Variants in CSMD1 observed in about 807,000 individuals in gnomAD.
CSMD1 encodes CUB and Sushi multiple domains 1, also known as CUB and sushi domain-containing protein 1.
In CSMD1, 213 loss-of-function variants were observed where a neutral mutation model predicts 417.5. That is an observed-to-expected ratio of 0.51 (90% CI 0.46 to 0.57). The LOEUF is 0.57. Among genes scored for constraint, CSMD1 ranks in the 20% least tolerant of loss-of-function variants. The pLI is 0.00. For synonymous variants in CSMD1, 2,862 were observed against 1,736.8 expected, an observed-to-expected ratio of 1.65 and a Z score of -16.11; for missense variants, 6,923 against 4,529.7, an observed-to-expected ratio of 1.53 and a Z score of -15.17.
At chr8:4,329,663 C>T (rs1056516451) in intron 3 of CSMD1, among the ~76,000 whole-genome samples, 9 of 152,114 alleles carry the variant, frequency 5.9e-5, no homozygotes, top group African/African-American at 2.2e-4. Flanking sequence ...GATCTGTATC[C>T]CCACCCAAAT....
At chr8:4,858,169 G>T (rs1156859246) in intron 1 of CSMD1, among the ~76,000 whole-genome samples, 2 of 149,272 alleles carry the variant, frequency 1.3e-5, no homozygotes, top group Non-Finnish European at 3.0e-5. Context: ...AAAACCACAT[G>T]ATTATCTCAA....
At chr8:2,970,817 C>T (rs533704797) in intron 57 of CSMD1, among the ~76,000 whole-genome samples, 11 of 152,214 alleles carry the variant, frequency 7.2e-5, no homozygotes, top group East Asian at 1.9e-4. Flanking sequence ...TTGACAGAAA[C>T]GTTGAAATTT....
intron 8 of CSMD1, among the ~76,000 whole-genome samples, chr8:3,599,894 T>C (rs563440970): frequency 6.6e-6 from 1 of 152,308 alleles, no homozygotes; most frequent in South Asian, 2.1e-4. Flanking sequence ...GTTGACTACC[T>C]TCCCCTTCCA....
intron 5 of CSMD1, among the ~76,000 whole-genome samples, chr8:3,918,620 C>A (rs1387242468): frequency 6.6e-6 from 1 of 151,950 alleles, no homozygotes; most frequent in African/African-American, 2.4e-5. Flanking sequence ...AATGTGGAAC[C>A]AGCATAAATT....
intron 9 of CSMD1, among the ~76,000 whole-genome samples, chr8:3,579,007 T>C (rs948802177): frequency 3.3e-5 from 5 of 152,220 alleles, no homozygotes; most frequent in African/African-American, 1.2e-4. Context: ...CTTGGAAATA[T>C]AACATCTAAT....
chr8:4,488,732 C>T (rs190430779), intron 2 of CSMD1, among the ~76,000 whole-genome samples: 1 of 152,180 alleles, frequency 6.6e-6, no homozygotes, highest in Admixed American at 6.5e-5. Context: ...GCATCCCCAG[C>T]ACCAAATGGG....
At chr8:4,415,169 C>G (rs961503629) in intron 3 of CSMD1, among the ~76,000 whole-genome samples, 1 of 152,102 alleles carries the variant, frequency 6.6e-6, no homozygotes, top group Admixed American at 6.5e-5. Flanking sequence ...GGCTCAGCTC[C>G]AGGCTCTCTG....
intron 3 of CSMD1, among the ~76,000 whole-genome samples, chr8:4,404,576 T>TA (rs1323405059): frequency 1.3e-5 from 2 of 151,894 alleles, no homozygotes; most frequent in East Asian, 3.8e-4. Context: ...AAAACTCACT[T>TA]AAATTTTAGC....
At chr8:3,125,377 C>T (rs1563067324) in intron 41 of CSMD1, among the ~76,000 whole-genome samples, 1 of 152,208 alleles carries the variant, frequency 6.6e-6, no homozygotes, top group East Asian at 1.9e-4. Flanking sequence ...TCACGCATGG[C>T]CTTCTTGCTC....
intron 2 of CSMD1, among the ~76,000 whole-genome samples, chr8:4,586,559 C>T (rs1359969847): frequency 6.6e-6 from 1 of 151,260 alleles, no homozygotes; most frequent in African/African-American, 2.5e-5. Context: ...ATGGACGTAA[C>T]CTTTTTAGCA....
intron 12 of CSMD1, among the ~76,000 whole-genome samples, chr8:3,461,755 T>C (rs1816519303): frequency 1.3e-5 from 2 of 152,136 alleles, no homozygotes; most frequent in South Asian, 4.1e-4. Context: ...AATGAGACAA[T>C]ACAGATGAGT....
chr8:3,282,489 C>G (rs1439797250), intron 26 of CSMD1, among the ~76,000 whole-genome samples: 1 of 152,156 alleles, frequency 6.6e-6, no homozygotes, highest in Non-Finnish European at 1.5e-5. Flanking sequence ...CAATGAATCA[C>G]AATTCTACCA....
At chr8:4,400,950 T>A (rs557548714) in intron 3 of CSMD1, among the ~76,000 whole-genome samples, 3 of 79,494 alleles carry the variant, frequency 3.8e-5, no homozygotes, top group East Asian at 1.1e-3. Context: ...TTATTTTAGA[T>A]AATATTATGT....
intron 8 of CSMD1, among the ~76,000 whole-genome samples, chr8:3,599,192 T>C (rs903705897): frequency 9.3e-5 from 14 of 150,876 alleles, no homozygotes. Context: ...AGATGAGGGA[T>C]ACTGTATATA....
chr8:3,606,328 G>C (rs1487795051), intron 8 of CSMD1, among the ~76,000 whole-genome samples: 2 of 152,130 alleles, frequency 1.3e-5, no homozygotes, highest in East Asian at 3.9e-4. Context: ...ACACAGCTGG[G>C]CTTCATGGTA....
chr8:4,586,363 A>G (rs1014648377), intron 2 of CSMD1, among the ~76,000 whole-genome samples: 10 of 152,142 alleles, frequency 6.6e-5, no homozygotes, highest in Admixed American at 3.3e-4. Context: ...TCTCTCACAG[A>G]GTGTTGATTT....
chr8:4,062,257 A>G (rs1171999965), intron 3 of CSMD1, among the ~76,000 whole-genome samples: 1 of 152,120 alleles, frequency 6.6e-6, no homozygotes, highest in African/African-American at 2.4e-5. Flanking sequence ...TCATCATGTC[A>G]TAAATGCTGC....
chr8:4,428,440 G>T (rs755263891), intron 2 of CSMD1, among the ~76,000 whole-genome samples: 10 of 152,156 alleles, frequency 6.6e-5, no homozygotes, highest in Non-Finnish European at 1.2e-4. Context: ...ATGCAATATG[G>T]AAATGGTTTT....
chr8:3,883,810 A>C (rs1368533437), intron 5 of CSMD1, among the ~76,000 whole-genome samples: 3 of 152,162 alleles, frequency 2.0e-5, no homozygotes, highest in African/African-American at 7.2e-5. Flanking sequence ...AATCCCATTA[A>C]CAACTACTGA....
Sources: allele counts gnomAD v4.1 joint callset (sites outside exome capture counted in the v4.1 genomes callset), GRCh38; gene constraint gnomAD v4.1.1; transcripts MANE v1.5; gene names NCBI Gene and HGNC (gene_info 2026-07-23, HGNC 2026-07-21).